The following ZDHHC14 variants were observed in gnomAD, a reference collection of about 807,000 sequenced individuals.
ZDHHC14 encodes zDHHC palmitoyltransferase 14, also known as palmitoyltransferase ZDHHC14.
Under a neutral mutation model 47.7 loss-of-function variants are expected in ZDHHC14, and 16 were observed. The ratio of observed to expected loss-of-function variants is 0.34; its 90% CI spans 0.23 to 0.51. The LOEUF is 0.51. Among genes scored for constraint, ZDHHC14 ranks in the 20% least tolerant of loss-of-function variants. ZDHHC14 has a pLI of 0.97. For synonymous variants in ZDHHC14, 293 were observed against 278.9 expected, an observed-to-expected ratio of 1.05 and a Z score of -0.50; for missense variants, 515 against 662.5, an observed-to-expected ratio of 0.78 and a Z score of 2.44.
At chr6:157,491,557 T>C (rs1779916159) in intron 1 of ZDHHC14, among the ~76,000 whole-genome samples, 1 of 150,762 alleles carries the variant, frequency 6.6e-6, no homozygotes, top group Non-Finnish European at 1.5e-5. Context: ...AATGAGATTA[T>C]ATCGGTTTCT....
At chr6:157,462,825 C>G (rs147047746) in intron 1 of ZDHHC14, among the ~76,000 whole-genome samples, 202 of 152,362 alleles carry the variant, frequency 1.3e-3, no homozygotes, top group Non-Finnish European at 2.1e-3. Flanking sequence ...CCTTCACTGC[C>G]TTTTTTCATG....
intron 1 of ZDHHC14, among the ~76,000 whole-genome samples, chr6:157,515,371 G>A (rs1583736034): frequency 1.3e-5 from 2 of 152,018 alleles, no homozygotes; most frequent in East Asian, 1.9e-4. Flanking sequence ...GATTCTAGTC[G>A]CATCTTAGGC....
At chr6:157,457,191 AAG>A (rs1778938862) in intron 1 of ZDHHC14, among the ~76,000 whole-genome samples, 1 of 149,452 alleles carries the variant, frequency 6.7e-6, no homozygotes, top group Admixed American at 6.7e-5. Context: ...AAAAAAAAAA[AAG>A]ACCGAGTTGG....
At chr6:157,594,614 T>C (rs2011248) in intron 3 of ZDHHC14, among the ~76,000 whole-genome samples, 103,799 of 152,110 alleles carry the variant, frequency 0.68, 36,454 homozygotes, top group African/African-American at 0.85. Flanking sequence ...ACTCCTCCTC[T>C]CTTGATAGTT....
At chr6:157,498,896 T>C (rs1318717180) in intron 1 of ZDHHC14, among the ~76,000 whole-genome samples, 1 of 152,144 alleles carries the variant, frequency 6.6e-6, no homozygotes, top group Non-Finnish European at 1.5e-5. Context: ...TTGAGTTCAG[T>C]GGTTGTTATG....
chr6:157,437,291 A>C (rs985892957), intron 1 of ZDHHC14, among the ~76,000 whole-genome samples: 1 of 152,188 alleles, frequency 6.6e-6, no homozygotes, highest in Non-Finnish European at 1.5e-5. Flanking sequence ...AGGAATGCCA[A>C]ATAAGGTTAA....
chr6:157,635,783 C>A (rs955853522), intron 5 of ZDHHC14, among the ~76,000 whole-genome samples: 5 of 152,120 alleles, frequency 3.3e-5, no homozygotes, highest in Admixed American at 6.5e-5. Flanking sequence ...GAGCCTGCAG[C>A]GGGAAGGAGT....
chr6:157,585,257 C>T (rs192948246), intron 2 of ZDHHC14, among the ~76,000 whole-genome samples: 110 of 152,180 alleles, frequency 7.2e-4, no homozygotes, highest in Non-Finnish European at 1.2e-3. Flanking sequence ...ACTTGCCTAA[C>T]TGCTAGAGGT....
intron 1 of ZDHHC14, among the ~76,000 whole-genome samples, chr6:157,403,493 C>T (rs1348902485): frequency 6.6e-6 from 1 of 152,186 alleles, no homozygotes; most frequent in African/African-American, 2.4e-5. Context: ...CTACCATGGA[C>T]CCACAGCCCC....
At chr6:157,392,213 G>C (rs1374333289) in intron 1 of ZDHHC14, among the ~76,000 whole-genome samples, 1 of 152,158 alleles carries the variant, frequency 6.6e-6, no homozygotes, top group Non-Finnish European at 1.5e-5. Flanking sequence ...ATAAATCCTA[G>C]CTATCAACTA....
intron 1 of ZDHHC14, among the ~76,000 whole-genome samples, chr6:157,501,979 G>A (rs979420808): frequency 1.1e-4 from 16 of 152,190 alleles, no homozygotes; most frequent in Non-Finnish European, 2.2e-4. Context: ...GGCCACCGTG[G>A]AGGTCAGTCT....
At chr6:157,431,707 T>C (rs1778341689) in intron 1 of ZDHHC14, among the ~76,000 whole-genome samples, 1 of 151,132 alleles carries the variant, frequency 6.6e-6, no homozygotes, top group South Asian at 2.1e-4. Context: ...TTGCTTTGGC[T>C]TTTTATTTTT....
At chr6:157,507,487 G>A (rs1257205827) in intron 1 of ZDHHC14, among the ~76,000 whole-genome samples, 1 of 152,014 alleles carries the variant, frequency 6.6e-6, no homozygotes, top group Admixed American at 6.6e-5. Flanking sequence ...TTGCCATGTT[G>A]GCTACACTGG....
intron 1 of ZDHHC14, among the ~76,000 whole-genome samples, chr6:157,490,197 C>T (rs890955549): frequency 3.3e-5 from 5 of 152,084 alleles, no homozygotes; most frequent in African/African-American, 9.7e-5. Context: ...GAAGAGAATG[C>T]GTGAAAAATT....
At chr6:157,630,477 A>G (rs1785632468) in intron 4 of ZDHHC14, 1 of 151,964 alleles carries the variant, frequency 6.6e-6, no homozygotes, top group Non-Finnish European at 1.5e-5. Flanking sequence ...ACCCACACTC[A>G]TTCTAGCCAC....
chr6:157,610,746 C>A (rs536014133), intron 3 of ZDHHC14, among the ~76,000 whole-genome samples: 51 of 152,324 alleles, frequency 3.3e-4, no homozygotes, highest in African/African-American at 1.2e-3. Flanking sequence ...CAGATTTGTT[C>A]ATTTTCAACA....
At chr6:157,416,972 G>GTTTTTTGTTTTT (rs1777988836) in intron 1 of ZDHHC14, among the ~76,000 whole-genome samples, 2 of 45,560 alleles carry the variant, frequency 4.4e-5, no homozygotes, top group Non-Finnish European at 3.5e-5. Context: ...TGCCTGGCTA[G>GTTTTTTGTTTTT]TTTTTTTTTT....
intron 1 of ZDHHC14, among the ~76,000 whole-genome samples, chr6:157,460,481 A>G (rs1779052682): frequency 6.6e-6 from 1 of 151,538 alleles, no homozygotes; most frequent in Admixed American, 6.6e-5. Flanking sequence ...TGCTTCTCCA[A>G]AGAGTGCTGT....
intron 1 of ZDHHC14, among the ~76,000 whole-genome samples, chr6:157,536,572 A>G (rs1781550701): frequency 6.6e-6 from 1 of 152,218 alleles, no homozygotes; most frequent in Admixed American, 6.5e-5. Flanking sequence ...AAACAGAGTG[A>G]CCTAATTACC....
Sources: gnomAD v4.1 joint callset for allele counts (sites outside exome capture counted in the v4.1 genomes callset) on GRCh38, gnomAD v4.1.1 for gene constraint, MANE v1.5 for transcripts, NCBI Gene and HGNC (gene_info 2026-07-23, HGNC 2026-07-21) for gene names.